ME3: variants seen among roughly 807,000 people sequenced by gnomAD.
ME3 encodes NADP-dependent malic enzyme, mitochondrial.
A neutral mutation model predicts 68.9 loss-of-function variants in ME3; 48 were observed. That is an observed-to-expected ratio of 0.70 (90% CI 0.55 to 0.89). The LOEUF (loss-of-function observed/expected upper bound fraction) is 0.89. Ranked by LOEUF, ME3 falls within the 40% of genes least tolerant of loss-of-function variation. ME3 has a pLI of 0.00. For synonymous variants in ME3, 320 were observed against 318.8 expected, an observed-to-expected ratio of 1.00 and a Z score of -0.04; for missense variants, 675 against 797.4, an observed-to-expected ratio of 0.85 and a Z score of 1.85.
chr11:86,524,866 G>C (rs1594291020), intron 4 of ME3, among the ~76,000 whole-genome samples: 1 of 152,176 alleles, frequency 6.6e-6, no homozygotes, highest in East Asian at 1.9e-4. Flanking sequence ...CAGGGGGAAG[G>C]GGAGAAGCAC....
intron 8 of ME3, among the ~76,000 whole-genome samples, chr11:86,463,672 T>G (rs2138722308): frequency 6.6e-6 from 1 of 152,336 alleles, no homozygotes; most frequent in South Asian, 2.1e-4. Flanking sequence ...AAACTAAATT[T>G]TCTAATAGTG....
At chr11:86,457,302 A>G (rs2078385) in intron 8 of ME3, 9,563 of 167,228 alleles carry the variant, frequency 0.057, 397 homozygotes, top group African/African-American at 0.11. Flanking sequence ...GAATATATTA[A>G]CTGCATCTAG....
intron 4 of ME3, among the ~76,000 whole-genome samples, chr11:86,534,332 C>T (rs541128491): frequency 6.6e-6 from 1 of 152,016 alleles, no homozygotes; most frequent in Non-Finnish European, 1.5e-5. Context: ...GACTTTTCTA[C>T]TTTATACACT....
chr11:86,611,999 A>G (rs1214411368), intron 2 of ME3, among the ~76,000 whole-genome samples: 2 of 152,196 alleles, frequency 1.3e-5, no homozygotes, highest in Non-Finnish European at 2.9e-5. Flanking sequence ...GGTTTGTTAC[A>G]TAGGTAGACA....
At chr11:86,470,586 A>G (rs530729256) in intron 7 of ME3, among the ~76,000 whole-genome samples, 2 of 152,350 alleles carry the variant, frequency 1.3e-5, no homozygotes, top group South Asian at 4.1e-4. Flanking sequence ...AAATCTTGCA[A>G]TAAGAAACCT....
chr11:86,611,945 T>A (rs909364466), intron 2 of ME3, among the ~76,000 whole-genome samples: 1 of 152,162 alleles, frequency 6.6e-6, no homozygotes, highest in Non-Finnish European at 1.5e-5. Context: ...ATTTTTAATT[T>A]TTATTTCTTC....
At chr11:86,491,560 C>T (rs370845498) in intron 6 of ME3, among the ~76,000 whole-genome samples, 1 of 152,196 alleles carries the variant, frequency 6.6e-6, no homozygotes, top group Non-Finnish European at 1.5e-5. Context: ...GGCAGAGCTC[C>T]TATGGCTGAC....
chr11:86,580,847 A>G (rs535993987), intron 2 of ME3, among the ~76,000 whole-genome samples: 19 of 152,208 alleles, frequency 1.2e-4, no homozygotes, highest in Admixed American at 4.6e-4. Flanking sequence ...ACATTTTGCA[A>G]TCACCTTTGT....
At position 86,556,721 on chromosome 11, in the gene ME3, A is replaced by T. The variant is rs748508871; in HGVS notation, c.318-19T>A. The T allele has an allele frequency of 6.8e-6, 11 of 1,612,580 alleles. No homozygotes were observed. The South Asian group carries it at 1.2e-4, about 18-fold the overall frequency. ...GATGTACCTTGTAAAAGGAGAGAAA[A>T]AGCAAGCTGACATGTGGTAGCAGCA... On this transcript the variant is annotated intron_variant, in intron 3 of 14. Coordinates refer to ENST00000543262, the Ensembl canonical transcript of ME3.
At chr11:86,455,286 T>G (rs1949851400) in intron 8 of ME3, among the ~76,000 whole-genome samples, 1 of 152,230 alleles carries the variant, frequency 6.6e-6, no homozygotes. Context: ...TTACTAAAAC[T>G]TGGGCACAAA....
chr11:86,464,208 C>T, intron 8 of ME3: 1 of 361,808 alleles, frequency 2.8e-6, no homozygotes, highest in Non-Finnish European at 5.4e-6. Context: ...TTCCACCTGA[C>T]ATGGATCTTT....
chr11:86,634,862 T>G (rs923825501), intron 2 of ME3, among the ~76,000 whole-genome samples: 1 of 152,244 alleles, frequency 6.6e-6, no homozygotes, highest in African/African-American at 2.4e-5. Context: ...CCATAGAAGT[T>G]AATTTAAACA....
At chr11:86,643,500 A>C (rs1293068520) in intron 2 of ME3, among the ~76,000 whole-genome samples, 3 of 152,158 alleles carry the variant, frequency 2.0e-5, no homozygotes, top group Non-Finnish European at 4.4e-5. Context: ...CACACCAAGA[A>C]AAAGTAATCA....
At chr11:86,490,627 T>A (rs971353718) in intron 6 of ME3, among the ~76,000 whole-genome samples, 2 of 152,172 alleles carry the variant, frequency 1.3e-5, no homozygotes, top group Non-Finnish European at 1.5e-5. Context: ...GGATACAAAA[T>A]TACACAGATA....
intron 2 of ME3, among the ~76,000 whole-genome samples, chr11:86,635,898 T>G (rs11821546): frequency 0.08 from 12,216 of 152,256 alleles, 711 homozygotes; most frequent in East Asian, 0.16. Flanking sequence ...AAGCACAGTC[T>G]GGTCAAATGG....
At chr11:86,566,563 AAG>A (rs1957490085) in intron 2 of ME3, among the ~76,000 whole-genome samples, 1 of 152,160 alleles carries the variant, frequency 6.6e-6, no homozygotes. Context: ...AGTTCTAAAG[AAG>A]AGACTTTAAT....
intron 4 of ME3, among the ~76,000 whole-genome samples, chr11:86,514,676 CCTT>C (rs1375635404): frequency 6.6e-6 from 1 of 152,190 alleles, no homozygotes; most frequent in African/African-American, 2.4e-5. Context: ...AAGTTACTTC[CCTT>C]CTTCAAGCTT....
intron 2 of ME3, among the ~76,000 whole-genome samples, chr11:86,579,954 T>G (rs1958343256): frequency 6.6e-6 from 1 of 152,186 alleles, no homozygotes; most frequent in Admixed American, 6.5e-5. Flanking sequence ...CTTCAAACCT[T>G]TTGAGTTTTC....
At chr11:86,556,901 G>T (rs1373180301) in intron 3 of ME3, among the ~76,000 whole-genome samples, 199 bp from the exon 4 acceptor site, 3 of 152,160 alleles carry the variant, frequency 2.0e-5, no homozygotes, top group Non-Finnish European at 4.4e-5. Flanking sequence ...ATTATACATG[G>T]TGTAGATACT....
Sources: gnomAD v4.1 joint callset for allele counts (sites outside exome capture counted in the v4.1 genomes callset) on GRCh38, gnomAD v4.1.1 for gene constraint, MANE v1.5 for transcripts, NCBI Gene and HGNC (gene_info 2026-07-23, HGNC 2026-07-21) for gene names.